JAZF1: variants seen among roughly 807,000 people sequenced by gnomAD.
The protein encoded by JAZF1 is juxtaposed with another zinc finger protein 1.
Under a neutral mutation model 26.4 loss-of-function variants are expected in JAZF1, and 8 were observed. The observed-to-expected ratio is 0.30, with a 90% CI of 0.18 to 0.55. The LOEUF (loss-of-function observed/expected upper bound fraction) is 0.55, where lower values mean the gene tolerates loss of function less well. JAZF1 is among the 20% of genes least tolerant of loss of function. The pLI is 0.94. For synonymous variants in JAZF1, 126 were observed against 122.3 expected (o/e 1.03, Z -0.20); for missense variants, 199 against 322.0 (o/e 0.62, Z 2.92).
intron 1 of JAZF1, among the ~76,000 whole-genome samples, chr7:28,117,138 T>C (rs942059457): frequency 6.6e-6 from 1 of 152,258 alleles, no homozygotes; most frequent in Non-Finnish European, 1.5e-5. Flanking sequence ...ATATGGAGGT[T>C]AACTGTCCAC....
chr7:27,989,811 T>C (rs1203972520), intron 2 of JAZF1, among the ~76,000 whole-genome samples: 7 of 152,220 alleles, frequency 4.6e-5, no homozygotes, highest in Admixed American at 6.5e-5. Flanking sequence ...TGTGGAGAAA[T>C]AGGAACACTT....
chr7:27,893,128 T>G (rs1784000488), intron 3 of JAZF1, among the ~76,000 whole-genome samples: 1 of 152,180 alleles, frequency 6.6e-6, no homozygotes, highest in Admixed American at 6.5e-5. Context: ...GGAAATTTAC[T>G]AAATCCTCCC....
At chr7:27,900,873 C>T (rs1450377872) in intron 2 of JAZF1, among the ~76,000 whole-genome samples, 1 of 151,444 alleles carries the variant, frequency 6.6e-6, no homozygotes, top group Non-Finnish European at 1.5e-5. Context: ...ATATGCAAAT[C>T]AATATATACA....
chr7:28,065,305 G>A (rs1038878656), intron 1 of JAZF1, among the ~76,000 whole-genome samples: 1 of 152,018 alleles, frequency 6.6e-6, no homozygotes, highest in Non-Finnish European at 1.5e-5. Flanking sequence ...TAGAGTAGAG[G>A]AGTGGGTGAG....
At chr7:28,112,071 G>A (rs113421384) in intron 1 of JAZF1, among the ~76,000 whole-genome samples, 9 of 152,292 alleles carry the variant, frequency 5.9e-5, no homozygotes, top group East Asian at 1.9e-4. Flanking sequence ...TACTTGAAAC[G>A]TCCCAAACCT....
At chr7:28,030,666 T>C (rs1299433714) in intron 1 of JAZF1, among the ~76,000 whole-genome samples, 1 of 152,252 alleles carries the variant, frequency 6.6e-6, no homozygotes, top group Non-Finnish European at 1.5e-5. Context: ...TGAACAATTA[T>C]ACTATTTATA....
chr7:28,128,553 G>A (rs1782737161), intron 1 of JAZF1, among the ~76,000 whole-genome samples: 1 of 151,946 alleles, frequency 6.6e-6, no homozygotes, highest in Non-Finnish European at 1.5e-5. Context: ...TCACAGGCCC[G>A]GCCCCAGACT....
chr7:28,172,415 C>T (rs920197823), intron 1 of JAZF1, among the ~76,000 whole-genome samples: 3 of 152,098 alleles, frequency 2.0e-5, no homozygotes, highest in Non-Finnish European at 2.9e-5. Context: ...TTTAAATATT[C>T]TTTTTATCAA....
intron 1 of JAZF1, among the ~76,000 whole-genome samples, chr7:28,151,159 A>G (rs994718510): frequency 6.6e-6 from 1 of 151,112 alleles, no homozygotes; most frequent in Non-Finnish European, 1.5e-5. Flanking sequence ...GCTGGAGTGC[A>G]GTGGTGCGAT....
intron 1 of JAZF1, among the ~76,000 whole-genome samples, chr7:28,045,381 G>A (rs540262307): frequency 2.6e-5 from 4 of 152,292 alleles, no homozygotes; most frequent in Admixed American, 2.6e-4. Flanking sequence ...GGACTCTTGA[G>A]AAAAAGGTCT....
Position 27,836,963 on chromosome 7 carries a change from ACTCT to A in JAZF1, c.555+3731_555+3734del, listed in dbSNP as rs142091602. ...ACTATTTTTTCATACACACACACAC[ACTCT>A]CTCTCTCAATACCTTTTTTCCACTC... On this transcript the variant is annotated intron_variant, in intron 4 of 4. Coordinates refer to ENST00000283928, the MANE Select transcript of JAZF1 (RefSeq NM_175061.4). Among the ~76,000 whole-genome samples the A allele has an allele frequency of 8.2e-3, 1,250 of 151,834 alleles. 17 individuals are homozygous for A. The highest frequency in any genetic ancestry group is 0.026 in the African/African-American group (1,090 of 41,398).
intron 2 of JAZF1, among the ~76,000 whole-genome samples, chr7:27,961,088 A>G (rs1032756371): frequency 6.6e-6 from 1 of 152,222 alleles, no homozygotes; most frequent in African/African-American, 2.4e-5. Flanking sequence ...AAAAGCTGGC[A>G]GTTTTATTGC....
intron 4 of JAZF1, among the ~76,000 whole-genome samples, chr7:27,838,176 T>C (rs1489921802): frequency 6.6e-6 from 1 of 152,222 alleles, no homozygotes; most frequent in African/African-American, 2.4e-5. Flanking sequence ...TGTGTGTATA[T>C]GAAATACACA....
chr7:28,094,245 G>A (rs976755647), intron 1 of JAZF1, among the ~76,000 whole-genome samples: 1 of 152,144 alleles, frequency 6.6e-6, no homozygotes, highest in African/African-American at 2.4e-5. Flanking sequence ...AAAGTAAATC[G>A]TTGTCTGCCT....
chr7:27,882,140 G>A (rs1044972440), intron 3 of JAZF1, among the ~76,000 whole-genome samples: 6 of 152,058 alleles, frequency 3.9e-5, no homozygotes, highest in African/African-American at 1.4e-4. Flanking sequence ...AGAATACTCT[G>A]GCTGCCTTAA....
At chr7:27,933,829 A>T (rs1199616657) in intron 2 of JAZF1, among the ~76,000 whole-genome samples, 1 of 152,166 alleles carries the variant, frequency 6.6e-6, no homozygotes, top group Non-Finnish European at 1.5e-5. Context: ...TGGAGTGGAA[A>T]AAAACCTTCC....
At chr7:27,960,057 C>T (rs1405602457) in intron 2 of JAZF1, among the ~76,000 whole-genome samples, 1 of 152,230 alleles carries the variant, frequency 6.6e-6, no homozygotes, top group East Asian at 1.9e-4. Flanking sequence ...TTGCCACCTA[C>T]TTTACTCAGC....
In JAZF1 at chr7:27,840,975, G is replaced by T; in HGVS notation, c.386-108C>A. ...GTGGCCGTGGCAGAGCAGCGCTGAC[G>T]GCCCAGGGAGAGGGCACTCCCGGCA... is the stretch of plus-strand genomic sequence containing the variant. On this transcript the variant is annotated intron_variant, in intron 3 of 4. Coordinates refer to ENST00000283928, the MANE Select transcript of JAZF1 (RefSeq NM_175061.4). This position sits in a 1 kb window ranked among gnomAD's most constrained non-coding sequence, Gnocchi z 5.1. 8.5e-7 allele frequency: 1 copy of T among 1,174,784 alleles called. No homozygotes were observed. The highest frequency in any genetic ancestry group is 1.2e-6 in the Non-Finnish European group (1 of 827,694). The allele number at this position is 1,174,784 out of a possible 1,614,324, so 72.8% of individuals were successfully genotyped here. A position where few individuals can be genotyped will look rare whatever the true frequency, so the allele number is the denominator to read the frequency against.
chr7:27,994,001 A>G (rs941825192), intron 1 of JAZF1, among the ~76,000 whole-genome samples: 2 of 152,152 alleles, frequency 1.3e-5, no homozygotes, highest in African/African-American at 2.4e-5. Context: ...CCCACAAACC[A>G]TCTTCTAAAG....
Sources: allele counts gnomAD v4.1 joint callset (sites outside exome capture counted in the v4.1 genomes callset), GRCh38; gene constraint gnomAD v4.1.1; non-coding constraint Gnocchi (gnomAD v3.1); transcripts MANE v1.5; gene names NCBI Gene and HGNC (gene_info 2026-07-23, HGNC 2026-07-21).